Variants in RFTN2 observed in about 807,000 individuals in gnomAD.
RFTN2 encodes the protein raftlin-2.
RFTN2 carries 34 observed loss-of-function variants against 52.7 expected under a neutral mutation model. That is an observed-to-expected ratio of 0.64 (90% CI 0.49 to 0.86). The LOEUF is 0.86. Among genes scored for constraint, RFTN2 ranks in the 40% least tolerant of loss-of-function variants. The pLI is 0.00. For missense variants in RFTN2, 536 were observed against 600.1 expected, an observed-to-expected ratio of 0.89 and a Z score of 1.12; for synonymous variants, 203 against 217.7, an observed-to-expected ratio of 0.93 and a Z score of 0.59.
intron 8 of RFTN2, among the ~76,000 whole-genome samples, chr2:197,588,916 A>G (rs2087644403): frequency 6.6e-6 from 1 of 152,026 alleles, no homozygotes; most frequent in African/African-American, 2.4e-5. Flanking sequence ...AATAAATCTC[A>G]TGAGATCTGA....
chr2:197,673,026 C>A (rs1272004183), intron 1 of RFTN2, among the ~76,000 whole-genome samples: 1 of 152,142 alleles, frequency 6.6e-6, no homozygotes, highest in Non-Finnish European at 1.5e-5. Flanking sequence ...TGTGGATTTT[C>A]AGAGGGTCTC....
chr2:197,579,688 G>T (rs1449943638), intron 8 of RFTN2, among the ~76,000 whole-genome samples: 1 of 151,828 alleles, frequency 6.6e-6, no homozygotes, highest in Non-Finnish European at 1.5e-5. Flanking sequence ...TGTCCCCTCA[G>T]TCCCAACCCC....
intron 3 of RFTN2, among the ~76,000 whole-genome samples, chr2:197,634,836 C>T (rs2088535735): frequency 6.6e-6 from 1 of 151,694 alleles, no homozygotes; most frequent in Admixed American, 6.6e-5. Flanking sequence ...GCTGCACCCC[C>T]TAACTTGTCA....
chr2:197,601,286 G>A (rs2087877084), intron 7 of RFTN2, among the ~76,000 whole-genome samples: 1 of 152,228 alleles, frequency 6.6e-6, no homozygotes. Flanking sequence ...GGGATTTGCT[G>A]TGACAACAGC....
intron 3 of RFTN2, among the ~76,000 whole-genome samples, chr2:197,640,308 G>A (rs1187500161): frequency 6.6e-6 from 1 of 152,140 alleles, no homozygotes; most frequent in Admixed American, 6.5e-5. Flanking sequence ...GGAAGCCTGG[G>A]CAATGGCGGG....
At chr2:197,578,183 G>A (rs762812942) in intron 8 of RFTN2, among the ~76,000 whole-genome samples, 16 of 152,040 alleles carry the variant, frequency 1.1e-4, no homozygotes, top group Non-Finnish European at 1.9e-4. Context: ...AGCTAATAGA[G>A]GCCAAGTCTC....
rs1043167726 is a variant in RFTN2, at chr2:197,605,727, A to G, written c.1155-9658T>C. On this transcript the variant is annotated intron_variant, in intron 7 of 8. Transcript: ENST00000295049. ...ACATTTTTTTTGCTGAGCTGGTTCT[A>G]GTCTCAGAATCCTTATTGCAGCGTT... 3.3e-5 allele frequency among the ~76,000 whole-genome samples: 5 copies of G among 152,142 alleles called. No individual in the cohort carries two copies. In the East Asian group the frequency reaches 5.8e-4, roughly 18 times the overall value.
chr2:197,620,059 TA>T (rs1180950862), intron 5 of RFTN2, among the ~76,000 whole-genome samples: 1 of 151,930 alleles, frequency 6.6e-6, no homozygotes, highest in East Asian at 1.9e-4. Context: ...ATGTTAATTA[TA>T]ACCATTAAGA....
rs183118054 is a variant in RFTN2 at position 197,593,754 on chromosome 2, G to T, written c.1233+2237C>A. Among the ~76,000 whole-genome samples the T allele has an allele frequency of 3.8e-4, 57 of 151,856 alleles. 1 individual carries two copies. In the East Asian group the frequency reaches 0.011, roughly 28 times the overall value. On this transcript the variant is annotated intron_variant, in intron 8 of 8. Coordinates refer to ENST00000295049, the MANE Select transcript of RFTN2 (RefSeq NM_144629.3). ...ATACAACAATTAGCTGGGCCTGGTG[G>T]TGTGTGCCTGTAGTCCCAGCTACTC... is the stretch of plus-strand genomic sequence containing the variant.
At chr2:197,659,832 C>T (rs1347919648) in intron 1 of RFTN2, among the ~76,000 whole-genome samples, 2 of 151,896 alleles carry the variant, frequency 1.3e-5, no homozygotes, top group African/African-American at 4.8e-5. Flanking sequence ...AAAAAAAATG[C>T]TATGTATAAA....
chr2:197,623,856 G>A (rs761676776), intron 5 of RFTN2, among the ~76,000 whole-genome samples: 1 of 152,100 alleles, frequency 6.6e-6, no homozygotes, highest in Non-Finnish European at 1.5e-5. Context: ...TAGAGACAGG[G>A]TTTCACCATG....
chr2:197,628,560 C>T (rs979405186), intron 5 of RFTN2, among the ~76,000 whole-genome samples: 1 of 152,136 alleles, frequency 6.6e-6, no homozygotes, highest in Non-Finnish European at 1.5e-5. Context: ...CAGTTAGTCA[C>T]ACACCAAAAT....
At position 197,585,547 on chromosome 2, in the gene RFTN2, C is replaced by G. The variant is rs894734207; in HGVS notation, c.1233+10444G>C. ...TTTATACTCACTCTTATTCTCATTC[C>G]CATTCTTATGCCACCCTCTACCTCT... On this transcript the variant is annotated intron_variant, in intron 8 of 8. Coordinates refer to ENST00000295049, the MANE Select transcript of RFTN2 (RefSeq NM_144629.3). Among the ~76,000 whole-genome samples the G allele has an allele frequency of 2.6e-5, 4 of 152,250 alleles. No individual in the cohort carries two copies. The East Asian group carries it at 7.7e-4, about 29-fold the overall frequency.
chr2:197,655,772 C>T (rs1055050357), intron 1 of RFTN2, among the ~76,000 whole-genome samples: 3 of 151,938 alleles, frequency 2.0e-5, no homozygotes, highest in Non-Finnish European at 4.4e-5. Context: ...TGAAGTGAGC[C>T]GATACCACAC....
At chr2:197,661,239 T>A (rs1239000710) in intron 1 of RFTN2, among the ~76,000 whole-genome samples, 3 of 151,966 alleles carry the variant, frequency 2.0e-5, no homozygotes, top group African/African-American at 7.3e-5. Context: ...TTTAATTTTT[T>A]TTTTTTTTGA....
At chr2:197,618,883 C>T (rs962673428) in intron 5 of RFTN2, among the ~76,000 whole-genome samples, 4 of 148,326 alleles carry the variant, frequency 2.7e-5, no homozygotes, top group African/African-American at 7.5e-5. Context: ...GGAGCCCCTC[C>T]GCCCAGCAGC....
chr2:197,622,820 T>A (rs564650099), intron 5 of RFTN2, among the ~76,000 whole-genome samples: 38 of 152,198 alleles, frequency 2.5e-4, no homozygotes, highest in Non-Finnish European at 5.3e-4. Context: ...AGAATTATGC[T>A]AAATCTACTC....
In RFTN2 at chr2:197,581,618, C is replaced by T. The variant is rs548940597; in HGVS notation, c.1234-9338G>A. Among the ~76,000 whole-genome samples the T allele has an allele frequency of 1.8e-4, 27 of 152,268 alleles. 1 individual carries two copies. In the South Asian group the frequency reaches 5.4e-3, roughly 30 times the overall value. ...TAAATCTTCTCAACAAGACACCCTC[C>T]TGCTTCTTCAACATTTATTCTCCAA... On this transcript the variant is annotated intron_variant, in intron 8 of 8. Coordinates refer to ENST00000295049, the MANE Select transcript of RFTN2 (RefSeq NM_144629.3).
intron 1 of RFTN2, among the ~76,000 whole-genome samples, chr2:197,669,346 T>A (rs1052330414): frequency 6.6e-6 from 1 of 151,990 alleles, no homozygotes; most frequent in African/African-American, 2.4e-5. Context: ...CAGCCATGTT[T>A]GCCTTATCCC....
Sources: allele counts gnomAD v4.1 joint callset (sites outside exome capture counted in the v4.1 genomes callset), GRCh38; gene constraint gnomAD v4.1.1; transcripts MANE v1.5; gene names NCBI Gene and HGNC (gene_info 2026-07-23, HGNC 2026-07-21).